Variants in KCNK9 observed in about 807,000 individuals in gnomAD.
The protein encoded by KCNK9 is potassium two pore domain channel subfamily K member 9.
KCNK9 carries 1 observed loss-of-function variant against 10.8 expected under a neutral mutation model. The observed-to-expected ratio is 0.09, with a 90% CI of 0.03 to 0.44. KCNK9 has a LOEUF of 0.44. Ranked by LOEUF, KCNK9 falls within the 20% of genes least tolerant of loss-of-function variation. The pLI, the probability that KCNK9 is intolerant of heterozygous loss-of-function variation, is 0.97. For synonymous variants in KCNK9, 231 were observed against 222.7 expected (o/e 1.04, Z -0.33); for missense variants, 303 against 515.0 (o/e 0.59, Z 3.98).
In KCNK9 at chr8:139,702,662, C is replaced by T. The variant is rs779386474; in HGVS notation, c.283+48G>A. 9.0e-6 allele frequency: 14 copies of T among 1,554,546 alleles called. No homozygotes were observed. In the South Asian group the frequency reaches 1.3e-4, roughly 14 times the overall value. Reference sequence around the variant, plus strand: ...GGCGCGGCGCGCTCAGCCGCCTCCCCGGACTCCTCCCGGGGCGCGGGAGCC... The same window carrying T: ...GGCGCGGCGCGCTCAGCCGCCTCCCTGGACTCCTCCCGGGGCGCGGGAGCC... On this transcript the variant is annotated intron_variant, in intron 1 of 1. Transcript: ENST00000520439. The surrounding 1 kb of genome is among the most constrained non-coding windows in gnomAD (Gnocchi z 7.5).
At chr8:139,675,543 G>A (rs555617504) in intron 1 of KCNK9, among the ~76,000 whole-genome samples, 88 of 152,254 alleles carry the variant, frequency 5.8e-4, no homozygotes, top group Middle Eastern at 3.4e-3. Context: ...ATCTGTAACC[G>A]AAAGAGGGCC....
chr8:139,651,262 T>TC (rs1157813523), intron 1 of KCNK9, among the ~76,000 whole-genome samples: 15 of 152,174 alleles, frequency 9.9e-5, no homozygotes, highest in Non-Finnish European at 1.8e-4. Context: ...CGAGCATGTG[T>TC]CCCATGCAGC....
chr8:139,668,266 A>G (rs1007920840), intron 1 of KCNK9, among the ~76,000 whole-genome samples: 7 of 152,158 alleles, frequency 4.6e-5, no homozygotes, highest in African/African-American at 1.7e-4. Flanking sequence ...TGATCTGTAC[A>G]ACAAACCCCC....
At chr8:139,642,054 A>G (rs1277049419) in intron 1 of KCNK9, among the ~76,000 whole-genome samples, 1 of 152,238 alleles carries the variant, frequency 6.6e-6, no homozygotes, top group East Asian at 1.9e-4. Flanking sequence ...AGCTAGGGAC[A>G]GATGCATACT....
Position 139,618,912 on chromosome 8 carries a change from C to T in KCNK9, c.471G>A (p.Glu157=). Reference sequence around the variant, plus strand: ...AGAAGAAGCCCACAGTCACCATGTTCTCCATAGACACGTCAGTGTTGCGCA... The same window carrying T: ...AGAAGAAGCCCACAGTCACCATGTTTTCCATAGACACGTCAGTGTTGCGCA... ...CGMRNTDVSM[E]NMVTVGFFSC... is the part of the protein sequence containing the mutation. Residue 157 remains glutamate (E), a synonymous_variant, in exon 2 of 2, where the codon GAG becomes GAA. Transcript: ENST00000520439. This position sits in a 1 kb window ranked among gnomAD's most constrained non-coding sequence, Gnocchi z 7.9. The T allele has an allele frequency of 6.2e-7, 1 of 1,614,250 alleles. No individual in the cohort carries two copies. The highest frequency in any genetic ancestry group is 2.2e-5 in the East Asian group (1 of 44,886).
chr8:139,679,049 T>C (rs1816625369), intron 1 of KCNK9, among the ~76,000 whole-genome samples: 1 of 152,160 alleles, frequency 6.6e-6, no homozygotes, highest in Non-Finnish European at 1.5e-5. Context: ...AACAGCCCAC[T>C]TCATAGTCGT....
chr8:139,645,729 C>G (rs1815655165), intron 1 of KCNK9, among the ~76,000 whole-genome samples: 2 of 152,136 alleles, frequency 1.3e-5, no homozygotes, highest in Admixed American at 1.3e-4. Context: ...CACCTGGAGC[C>G]AATTAGCCAT....
chr8:139,629,268 C>T (rs1000929884), intron 1 of KCNK9, among the ~76,000 whole-genome samples: 3 of 152,232 alleles, frequency 2.0e-5, no homozygotes, highest in Admixed American at 6.5e-5. Flanking sequence ...CATGCGGGGG[C>T]GCCCCTGGGG....
intron 1 of KCNK9, among the ~76,000 whole-genome samples, chr8:139,697,139 G>C (rs1233652336): frequency 6.6e-6 from 1 of 150,846 alleles, no homozygotes; most frequent in East Asian, 2.0e-4. Flanking sequence ...AATAGTGGAT[G>C]AATGGTGAAT....
intron 1 of KCNK9, among the ~76,000 whole-genome samples, chr8:139,687,556 A>ATGTATACACATATATTCATATATATG (rs1816834861): frequency 1.6e-5 from 2 of 127,658 alleles, no homozygotes; most frequent in Non-Finnish European, 3.2e-5. Context: ...ATTCATATAT[A>ATGTATACACATATATTCATATATATG]TGTATACATA....
intron 1 of KCNK9, among the ~76,000 whole-genome samples, chr8:139,630,964 G>C (rs1031824071): frequency 1.3e-5 from 2 of 152,234 alleles, no homozygotes; most frequent in Non-Finnish European, 2.9e-5. Context: ...TGGTCCGCTA[G>C]GACGGAGAGC....
intron 1 of KCNK9, among the ~76,000 whole-genome samples, chr8:139,641,001 A>T (rs1209973703): frequency 6.6e-6 from 1 of 152,190 alleles, no homozygotes; most frequent in Non-Finnish European, 1.5e-5. Flanking sequence ...TGTGTGTTTC[A>T]GTTTTATTGG....
chr8:139,644,660 CT>C (rs1815615527), intron 1 of KCNK9, among the ~76,000 whole-genome samples: 1 of 152,072 alleles, frequency 6.6e-6, no homozygotes. Context: ...ACCAGGGCCA[CT>C]CAGGAGCATG....
chr8:139,633,514 C>T lies in KCNK9; in HGVS notation c.284-14415G>A, dbSNP rs73724468. ...GCAGTCTTGGATTGCTGCACAACTA[C>T]GGTGCTGACCTCCTTCCGAAAATGC... is the stretch of plus-strand genomic sequence containing the variant. On this transcript the variant is annotated intron_variant, in intron 1 of 1. Coordinates refer to ENST00000520439, the MANE Select transcript of KCNK9 (RefSeq NM_001282534.2). Among the ~76,000 whole-genome samples the T allele has an allele frequency of 3.4e-3, 522 of 152,284 alleles. 1 individual carries two copies. Among genetic ancestry groups the T allele is most frequent in the African/African-American group, 0.012 (478 of 41,550 alleles).
rs141511044 is a variant in KCNK9 at position 139,702,813 on chromosome 8, C to A, written c.180G>T (p.Arg60=). The change falls in exon 1 of 2, where the codon CGG becomes CGT. Residue 60 remains arginine, a synonymous_variant. Coordinates refer to ENST00000520439, the MANE Select transcript of KCNK9 (RefSeq NM_001282534.2). This position sits in a 1 kb window ranked among gnomAD's most constrained non-coding sequence, Gnocchi z 7.5. ...GKYNISSEDY[R]QLELVILQSE... Reference sequence around the variant, plus strand: ...ACTGCAGGATCACCAGCTCCAGCTGCCGGTAGTCCTCGCTGCTGATGTTGT... The same window carrying A: ...ACTGCAGGATCACCAGCTCCAGCTGACGGTAGTCCTCGCTGCTGATGTTGT... 6.2e-7 allele frequency: 1 copy of A among 1,613,904 alleles called. No individual in the cohort carries two copies. Among genetic ancestry groups the A allele is most frequent in the Non-Finnish European group, 8.5e-7 (1 of 1,179,988 alleles).
rs576073108 is a variant in KCNK9, at chr8:139,702,552, G to T, written c.283+158C>A. Among the ~76,000 whole-genome samples, 3 of 152,104 alleles carry T rather than the reference G, an allele frequency of 2.0e-5. No individual in the cohort carries two copies. Among genetic ancestry groups the T allele is most frequent in the Non-Finnish European group, 2.9e-5 (2 of 67,990 alleles). On this transcript the variant is annotated intron_variant, in intron 1 of 1. Coordinates refer to ENST00000520439, the MANE Select transcript of KCNK9 (RefSeq NM_001282534.2). This position sits in a 1 kb window ranked among gnomAD's most constrained non-coding sequence, Gnocchi z 7.5. Reference sequence around the variant, plus strand: ...GGTGAGGCTCGGAGGCGCCGCGGAGGGGGGGCTCCCTAGAGAGGAGGGGGC... The same window carrying T: ...GGTGAGGCTCGGAGGCGCCGCGGAGTGGGGGCTCCCTAGAGAGGAGGGGGC...
At chr8:139,614,849 G>T (rs563575791), downstream of KCNK9, among the ~76,000 whole-genome samples, 3 of 152,216 alleles carry the variant, frequency 2.0e-5, no homozygotes, top group Non-Finnish European at 4.4e-5. Flanking sequence ...TAGGAGGAAG[G>T]TTGGGCGGTG....
chr8:139,698,154 A>T (rs887423078), intron 1 of KCNK9, among the ~76,000 whole-genome samples: 4 of 152,230 alleles, frequency 2.6e-5, no homozygotes, highest in African/African-American at 9.6e-5. Context: ...TCCCAACTGC[A>T]TGACAGAGTT....
intron 1 of KCNK9, among the ~76,000 whole-genome samples, chr8:139,686,178 A>AATAC (rs1816783539): frequency 6.6e-6 from 1 of 152,234 alleles, no homozygotes. Context: ...AAACCTAGGC[A>AATAC]ATACCATTCA....
Sources: gnomAD v4.1 joint callset for allele counts (sites outside exome capture counted in the v4.1 genomes callset) on GRCh38, gnomAD v4.1.1 for gene constraint, Gnocchi (gnomAD v3.1) non-coding constraint, MANE v1.5 for transcripts, NCBI Gene and HGNC (gene_info 2026-07-23, HGNC 2026-07-21) for gene names.